Variants in HNF4G observed in about 807,000 individuals in gnomAD.
HNF4G encodes hepatocyte nuclear factor 4-gamma.
Under a neutral mutation model 50.9 loss-of-function variants are expected in HNF4G, and 21 were observed. The observed-to-expected ratio is 0.41, with a 90% CI of 0.29 to 0.59. The LOEUF is 0.59. HNF4G is among the 20% of genes least tolerant of loss of function. The pLI is 0.26. For synonymous variants in HNF4G, 198 were observed against 185.6 expected (o/e 1.07, Z -0.54); for missense variants, 527 against 559.4 (o/e 0.94, Z 0.58).
chr8:75,527,411 G>A (rs1806213902), intron 2 of HNF4G, among the ~76,000 whole-genome samples: 1 of 152,200 alleles, frequency 6.6e-6, no homozygotes, highest in Non-Finnish European at 1.5e-5. Flanking sequence ...AGGCTCGCAG[G>A]AGCATAGCCC....
intron 2 of HNF4G, among the ~76,000 whole-genome samples, chr8:75,506,852 A>T (rs955739698): frequency 6.6e-6 from 1 of 151,908 alleles, no homozygotes; most frequent in Admixed American, 6.6e-5. Context: ...GATCATCAAC[A>T]ACAACAACAA....
At chr8:75,545,863 G>T (rs1422487209) in intron 2 of HNF4G, among the ~76,000 whole-genome samples, 1 of 151,918 alleles carries the variant, frequency 6.6e-6, no homozygotes, top group Non-Finnish European at 1.5e-5. Flanking sequence ...TTCAATTTTT[G>T]TTATTAATTT....
chr8:75,499,041 A>G (rs1230375462), intron 2 of HNF4G, among the ~76,000 whole-genome samples: 1 of 152,080 alleles, frequency 6.6e-6, no homozygotes, highest in Admixed American at 6.6e-5. Flanking sequence ...CAACTAAGCA[A>G]GAAAAAGAAA....
chr8:75,513,937 G>A (rs977906304), intron 2 of HNF4G, among the ~76,000 whole-genome samples: 2 of 151,740 alleles, frequency 1.3e-5, no homozygotes, highest in Non-Finnish European at 2.9e-5. Flanking sequence ...AAATGTTCAT[G>A]AATCATTGAC....
chr8:75,553,518 T>C (rs1335320735), intron 5 of HNF4G, among the ~76,000 whole-genome samples: 3 of 152,100 alleles, frequency 2.0e-5, no homozygotes, highest in Admixed American at 2.0e-4. Context: ...TGAGACAAAG[T>C]ATTAGAAGAG....
intron 9 of HNF4G, among the ~76,000 whole-genome samples, chr8:75,561,378 C>T (rs569142771): frequency 6.6e-6 from 1 of 152,246 alleles, no homozygotes; most frequent in East Asian, 1.9e-4. Context: ...ATGTCACTTC[C>T]AGCATTATCA....
At chr8:75,518,231 A>C (rs1472339004) in intron 2 of HNF4G, among the ~76,000 whole-genome samples, 1 of 146,502 alleles carries the variant, frequency 6.8e-6, no homozygotes, top group Non-Finnish European at 1.5e-5. Context: ...GAGTGAGAAC[A>C]TGTGGTGTTT....
intron 3 of HNF4G, among the ~76,000 whole-genome samples, chr8:75,548,735 T>C (rs966313011): frequency 4.6e-5 from 7 of 152,204 alleles, no homozygotes; most frequent in Admixed American, 2.6e-4. Flanking sequence ...TTCACAACTA[T>C]TTCACAAACT....
At chr8:75,551,138 T>A (rs1382605192) in intron 3 of HNF4G, among the ~76,000 whole-genome samples, 2 of 152,252 alleles carry the variant, frequency 1.3e-5, no homozygotes, top group East Asian at 3.9e-4. Flanking sequence ...GTGGCGGAAC[T>A]GGCTGACCCA....
chr8:75,542,286 C>T (rs1448104442), intron 1 of HNF4G, among the ~76,000 whole-genome samples: 2 of 148,770 alleles, frequency 1.3e-5, no homozygotes, highest in African/African-American at 5.1e-5. Context: ...GCCTGGGTGA[C>T]AAAGCAAGTC....
intron 1 of HNF4G, among the ~76,000 whole-genome samples, chr8:75,450,631 A>G (rs781411174): frequency 9.8e-5 from 15 of 152,294 alleles, no homozygotes; most frequent in Non-Finnish European, 1.9e-4. Flanking sequence ...ATAATAGCCA[A>G]CTGACAAGTG....
chr8:75,510,467 A>AC (rs1444207314), intron 2 of HNF4G, among the ~76,000 whole-genome samples: 2 of 152,210 alleles, frequency 1.3e-5, no homozygotes, highest in African/African-American at 2.4e-5. Flanking sequence ...TCACTGACTT[A>AC]CCCAGAGCAA....
chr8:75,470,840 A>T (rs1057460004), intron 1 of HNF4G, among the ~76,000 whole-genome samples: 1 of 152,222 alleles, frequency 6.6e-6, no homozygotes, highest in African/African-American at 2.4e-5. Flanking sequence ...TTTAAATATT[A>T]GTCAAATAAT....
intron 1 of HNF4G, among the ~76,000 whole-genome samples, chr8:75,484,232 G>A (rs969149160): frequency 6.6e-6 from 1 of 152,176 alleles, no homozygotes; most frequent in African/African-American, 2.4e-5. Context: ...TAGGAGAATG[G>A]CTAAGTATAG....
chr8:75,486,990 A>C (rs867894370), intron 1 of HNF4G, among the ~76,000 whole-genome samples: 2 of 152,206 alleles, frequency 1.3e-5, no homozygotes, highest in African/African-American at 4.8e-5. Context: ...TGTGCGACAG[A>C]GCGAGACCCT....
At chr8:75,429,134 T>C (rs549928996) in intron 1 of HNF4G, among the ~76,000 whole-genome samples, 8 of 152,318 alleles carry the variant, frequency 5.3e-5, no homozygotes, top group Middle Eastern at 3.4e-3. Context: ...CTTGCCTAAA[T>C]GAATGGTTGG....
At chr8:75,559,113 TC>T in intron 8 of HNF4G, 76 bp downstream of exon 8, 1 of 1,009,506 alleles carries the variant, frequency 9.9e-7, no homozygotes, top group Non-Finnish European at 1.6e-6. Context: ...GATTTTTTTG[TC>T]CATATTTAAT....
At chr8:75,478,769 A>G (rs1268660183) in intron 1 of HNF4G, among the ~76,000 whole-genome samples, 1 of 151,918 alleles carries the variant, frequency 6.6e-6, no homozygotes, top group East Asian at 1.9e-4. Flanking sequence ...CCCAGACTGG[A>G]GTGCAATCGC....
At position 75,553,022 on chromosome 8, in the gene HNF4G, A is replaced by T; in HGVS notation, c.490-20A>T. 1 of 1,575,448 alleles carries T rather than the reference A, an allele frequency of 6.3e-7. No individual in the cohort carries two copies. Among genetic ancestry groups the T allele is most frequent in the Non-Finnish European group, 8.7e-7 (1 of 1,154,826 alleles). ...CATCTATTATTTTAAATGATAATAT[A>T]ATGCTTTTCTTAATACTAGATCTCA... On this transcript the variant is annotated intron_variant, in intron 4 of 9. Transcript: ENST00000396423.
Sources: gnomAD v4.1 joint callset for allele counts (sites outside exome capture counted in the v4.1 genomes callset) on GRCh38, gnomAD v4.1.1 for gene constraint, MANE v1.5 for transcripts, NCBI Gene and HGNC (gene_info 2026-07-23, HGNC 2026-07-21) for gene names.